NEK10: variants seen among roughly 807,000 people sequenced by gnomAD.
The protein encoded by NEK10 is NIMA related kinase 10.
A neutral mutation model predicts 159.8 loss-of-function variants in NEK10; 122 were observed. The ratio of observed to expected loss-of-function variants is 0.76; its 90% CI spans 0.66 to 0.89. NEK10 has a LOEUF of 0.89. NEK10 is among the 40% of genes least tolerant of loss of function. NEK10 has a pLI of 0.00. For synonymous variants in NEK10, 466 were observed against 457.1 expected (o/e 1.02, Z -0.25); for missense variants, 1,342 against 1,323.1 (o/e 1.01, Z -0.22).
chr3:27,204,231 G>C (rs1249247157), intron 23 of NEK10, among the ~76,000 whole-genome samples: 2 of 102,110 alleles, frequency 2.0e-5, no homozygotes, highest in Non-Finnish European at 4.0e-5. Flanking sequence ...ACCTGCACTT[G>C]TTTGGAGGAC....
intron 23 of NEK10, chr3:27,206,651 T>C: frequency 1.0e-6 from 1 of 985,198 alleles, no homozygotes; most frequent in Non-Finnish European, 1.2e-6. Flanking sequence ...CTAATTTCCA[T>C]TCTTCAAGCC....
intron 5 of NEK10, among the ~76,000 whole-genome samples, chr3:27,333,181 A>G (rs2046546503): frequency 6.6e-6 from 1 of 152,172 alleles, no homozygotes; most frequent in African/African-American, 2.4e-5. Context: ...ATACAGGGAA[A>G]GGGTGAGTGA....
chr3:27,279,016 C>G, intron 22 of NEK10: 1 of 646,350 alleles, frequency 1.5e-6, no homozygotes, highest in South Asian at 6.9e-5. Flanking sequence ...GATAGTCTTT[C>G]AAATGGAAAT....
intron 14 of NEK10, 77 bp from the exon 15 acceptor site, chr3:27,295,767 C>A: frequency 1.4e-6 from 2 of 1,435,100 alleles, no homozygotes; most frequent in Non-Finnish European, 9.2e-7. Context: ...AATAAACAAT[C>A]TCAAACATTA....
chr3:27,220,608 T>C (rs1457523862), intron 23 of NEK10, among the ~76,000 whole-genome samples: 1 of 152,160 alleles, frequency 6.6e-6, no homozygotes, highest in East Asian at 1.9e-4. Flanking sequence ...CCTATCACAA[T>C]TGGCAAATTG....
chr3:27,263,113 C>T (rs1242031280), intron 22 of NEK10, among the ~76,000 whole-genome samples: 2 of 152,194 alleles, frequency 1.3e-5, no homozygotes, highest in African/African-American at 2.4e-5. Context: ...GTATCAGCAG[C>T]GGAGGCTGCA....
rs2049344247 is a variant in NEK10 at position 27,369,366 on chromosome 3, C to T, written c.-179G>A. 1 of 152,794 alleles carries T rather than the reference C, an allele frequency of 6.5e-6. No individual in the cohort carries two copies. The highest frequency in any genetic ancestry group is 1.5e-5 in the Non-Finnish European group (1 of 68,592). 9.5% of individuals were successfully genotyped at this position (152,794 alleles called of 1,614,324 possible). On this transcript the variant is annotated 5_prime_UTR_variant, in exon 1 of 36. Transcript: ENST00000691995. The surrounding 1 kb of genome is among the most constrained non-coding windows in gnomAD (Gnocchi z 4.2). ...CCAGCCTATTCCCGGTCCCCTCAACCTCAGGGACACCGCGGCCAGCTGCAC... is the reference window on the plus strand; with the variant it reads ...CCAGCCTATTCCCGGTCCCCTCAACTTCAGGGACACCGCGGCCAGCTGCAC...
intron 23 of NEK10, among the ~76,000 whole-genome samples, chr3:27,244,040 G>A (rs559110878): frequency 8.0e-4 from 122 of 152,060 alleles, no homozygotes; most frequent in African/African-American, 2.4e-3. Flanking sequence ...CAAAAAAACC[G>A]CATTTCCATC....
chr3:27,166,824 G>T (rs1946530792), intron 29 of NEK10, among the ~76,000 whole-genome samples: 1 of 152,108 alleles, frequency 6.6e-6, no homozygotes, highest in African/African-American at 2.4e-5. Context: ...GCTGGGTGTG[G>T]TGGCAGGAGC....
chr3:27,302,960 G>C (rs1410748469), intron 12 of NEK10, among the ~76,000 whole-genome samples: 1 of 152,172 alleles, frequency 6.6e-6, no homozygotes, highest in African/African-American at 2.4e-5. Flanking sequence ...GCATGAGAAA[G>C]TGTCCCAGAA....
chr3:27,362,687 C>T (rs561991175), intron 1 of NEK10, among the ~76,000 whole-genome samples: 1 of 151,860 alleles, frequency 6.6e-6, no homozygotes, highest in Admixed American at 6.5e-5. Flanking sequence ...CCAAATAAGA[C>T]AGAGTCCTTT....
chr3:27,166,526 G>C (rs149950547), intron 29 of NEK10, among the ~76,000 whole-genome samples: 190 of 152,264 alleles, frequency 1.2e-3, no homozygotes, highest in African/African-American at 4.3e-3. Flanking sequence ...AAGATGGAGG[G>C]AGAAGAGCTA....
intron 5 of NEK10, among the ~76,000 whole-genome samples, chr3:27,343,402 T>C (rs1189147259): frequency 6.6e-6 from 1 of 152,168 alleles, no homozygotes; most frequent in Non-Finnish European, 1.5e-5. Flanking sequence ...AATACTCCTA[T>C]TTTTATTTTT....
chr3:27,220,920 G>A (rs1442594239), intron 23 of NEK10, among the ~76,000 whole-genome samples: 1 of 152,070 alleles, frequency 6.6e-6, no homozygotes, highest in Non-Finnish European at 1.5e-5. Context: ...AATTCAATAG[G>A]AAAAGAAGTT....
At chr3:27,334,620 A>G (rs935515992) in intron 5 of NEK10, among the ~76,000 whole-genome samples, 1 of 152,196 alleles carries the variant, frequency 6.6e-6, no homozygotes, top group Admixed American at 6.5e-5. Context: ...GAAATCTCAG[A>G]TATCACTGAC....
At chr3:27,366,381 C>A (rs758194070) in intron 1 of NEK10, among the ~76,000 whole-genome samples, 1 of 152,190 alleles carries the variant, frequency 6.6e-6, no homozygotes, top group African/African-American at 2.4e-5. Flanking sequence ...TTGTTCACTG[C>A]TGAAGGCCCA....
intron 15 of NEK10, 121 bp downstream of exon 15, chr3:27,295,492 C>T: frequency 8.8e-7 from 1 of 1,141,914 alleles, no homozygotes. Context: ...GATATTTTTC[C>T]CTCATAGTCA....
chr3:27,173,547 A>G (rs1947212728), intron 28 of NEK10, among the ~76,000 whole-genome samples: 1 of 152,216 alleles, frequency 6.6e-6, no homozygotes. Context: ...GGAACATCTA[A>G]TCATCATTTC....
At chr3:27,312,063 C>A (rs1406038348) in intron 8 of NEK10, 36 bp downstream of exon 8, 2 of 1,390,904 alleles carry the variant, frequency 1.4e-6, no homozygotes, top group Non-Finnish European at 2.0e-6. Context: ...TCTAGCAAGT[C>A]CACAAAAATG....
Sources: allele counts gnomAD v4.1 joint callset (sites outside exome capture counted in the v4.1 genomes callset), GRCh38; gene constraint gnomAD v4.1.1; non-coding constraint Gnocchi (gnomAD v3.1); transcripts MANE v1.5; gene names NCBI Gene and HGNC (gene_info 2026-07-23, HGNC 2026-07-21).